Variants in ESYT3 observed in about 807,000 individuals in gnomAD.
ESYT3 encodes extended synaptotagmin 3, also known as extended synaptotagmin-3.
Under a neutral mutation model 111.5 loss-of-function variants are expected in ESYT3, and 101 were observed. The observed-to-expected ratio is 0.91, with a 90% CI of 0.77 to 1.07. ESYT3 has a LOEUF of 1.07. ESYT3 is among the 50% of genes least tolerant of loss of function. ESYT3 has a pLI of 0.00. For synonymous variants in ESYT3, 416 were observed against 446.8 expected (o/e 0.93, Z 0.87); for missense variants, 1,097 against 1,109.4 (o/e 0.99, Z 0.16).
chr3:138,453,420 C>T (rs142298744), intron 2 of ESYT3, among the ~76,000 whole-genome samples: 111 of 152,244 alleles, frequency 7.3e-4, no homozygotes, highest in African/African-American at 2.4e-3. Flanking sequence ...AGGCACTTGG[C>T]CAGTGACAAA....
intron 3 of ESYT3, 130 bp downstream of exon 3, chr3:138,455,458 C>A: frequency 1.1e-6 from 1 of 923,870 alleles, no homozygotes; most frequent in Non-Finnish European, 1.6e-6. Context: ...TACAGGGGGA[C>A]ACCCTCCCGC....
chr3:138,464,215 A>G, intron 8 of ESYT3, 130 bp from the exon 9 acceptor site: 1 of 1,045,414 alleles, frequency 9.6e-7, no homozygotes, highest in South Asian at 1.6e-5. Context: ...TCTGGCTTCT[A>G]TCTCCTGGTC....
Position 138,477,020 on chromosome 3 carries a change from C to T in ESYT3, c.*166C>T, listed in dbSNP as rs1484980943. 1 of 503,838 alleles carries T rather than the reference C, an allele frequency of 2.0e-6. No homozygotes were observed. Among genetic ancestry groups the T allele is most frequent in the East Asian group, 3.3e-5 (1 of 30,356 alleles). The allele number at this position is 503,838 out of a possible 1,614,324, so 31.2% of individuals were successfully genotyped here. ...TCTTGTGTGGAATTTAACTCCATGA[C>T]TGAATAGCATAAGGAAGAGGTTATT... On this transcript the variant is annotated 3_prime_UTR_variant, in exon 23 of 23. Transcript: ENST00000389567.
At chr3:138,475,775 A>G (rs2033451306) in intron 20 of ESYT3, among the ~76,000 whole-genome samples, 1 of 152,054 alleles carries the variant, frequency 6.6e-6, no homozygotes, top group Admixed American at 6.5e-5. Context: ...TAAAAACACA[A>G]AAAATTAGCC....
In ESYT3 at chr3:138,434,862, G is replaced by C. The variant is rs1378483257; in HGVS notation, c.64G>C (p.Gly22Arg). The C allele has an allele frequency of 6.5e-7, 1 of 1,549,526 alleles. No individual in the cohort carries two copies. Among genetic ancestry groups the C allele is most frequent in the Non-Finnish European group, 8.7e-7 (1 of 1,146,850 alleles). ...CGCCCTGGGAGCCCAGCGCACGCCGGGCCCCGAGCTGCGCCTGTCCAGCCA... is the reference window on the plus strand; with the variant it reads ...CGCCCTGGGAGCCCAGCGCACGCCGCGCCCCGAGCTGCGCCTGTCCAGCCA... ...PSALGAQRTP[G>R]PELRLSSQLL... The change falls in exon 1 of 23, where the codon GGC becomes CGC. Residue 22 changes from glycine (G) to arginine (R), a missense_variant. Coordinates refer to ENST00000389567, the MANE Select transcript of ESYT3 (RefSeq NM_031913.5).
chr3:138,459,953 C>T lies in ESYT3; in HGVS notation c.657C>T (p.Gly219=). The T allele has an allele frequency of 6.2e-7, 1 of 1,613,926 alleles. No homozygotes were observed. The highest frequency in any genetic ancestry group is 8.5e-7 in the Non-Finnish European group (1 of 1,179,906). The part of the protein sequence containing the change: ...QAGVNGIQLQ[G]TLRVILEPLL... ...CCTCTGTGCCTATCCAGTTGCAGGG[C>T]ACCCTGCGGGTCATCCTGGAGCCCC... Residue 219 remains glycine (G), a synonymous_variant, in exon 6 of 23, where the codon GGC becomes GGT. Transcript: ENST00000389567.
rs139703928 is a variant in ESYT3, at chr3:138,445,766, T to C, written c.328-6282T>C. On this transcript the variant is annotated intron_variant, in intron 1 of 22. Transcript: ENST00000389567. ...AACGCTTATTCTGATCCAGGAAGGA[T>C]ACCGAGCATCATCCATGCCTTTAGT... Among the ~76,000 whole-genome samples the C allele has an allele frequency of 3.6e-3, 555 of 152,350 alleles. 2 individuals carry two copies. Among genetic ancestry groups the C allele is most frequent in the Non-Finnish European group, 5.7e-3 (387 of 68,038 alleles).
At chr3:138,443,751 T>TGTGTGC (rs1329319351) in intron 1 of ESYT3, among the ~76,000 whole-genome samples, 1 of 149,214 alleles carries the variant, frequency 6.7e-6, no homozygotes, top group African/African-American at 2.5e-5. Context: ...TGTGTGTGTG[T>TGTGTGC]GTGTGACATG....
chr3:138,436,966 C>G (rs568762221), intron 1 of ESYT3, among the ~76,000 whole-genome samples: 158 of 152,200 alleles, frequency 1.0e-3, no homozygotes, highest in Middle Eastern at 3.4e-3. Flanking sequence ...CTGCCTCTCC[C>G]CCACATACAC....
Position 138,472,528 on chromosome 3 carries a change from G to C in ESYT3, c.1906G>C (p.Asp636His). ...DLPCPPDPAS[D>H]TKDVSRSTTT... ...GCCATGTCCCCCAGACCCTGCTTCT[G>C]ATACTAAGGACGTATCCAGGAGTAC... Residue 636 changes from aspartate (D) to histidine (H), a missense_variant, in exon 18 of 23, where the codon GAT becomes CAT. By Grantham distance (81) the Asp-to-His change is moderately conservative. Coordinates refer to ENST00000389567, the MANE Select transcript of ESYT3 (RefSeq NM_031913.5). 1 of 1,614,214 alleles carries C rather than the reference G, an allele frequency of 6.2e-7. No individual in the cohort carries two copies. Among genetic ancestry groups the C allele is most frequent in the Non-Finnish European group, 8.5e-7 (1 of 1,180,036 alleles).
chr3:138,473,431 A>C (rs779818925), intron 18 of ESYT3, 105 bp from the exon 19 acceptor site: 210 of 940,380 alleles, frequency 2.2e-4, no homozygotes, highest in Non-Finnish European at 3.0e-4. Context: ...ATTATCCTAC[A>C]TGGCTCTATA....
rs977926231 is a variant in ESYT3 at position 138,478,806 on chromosome 3, A to G, written c.*1952A>G. ...GTTAATACCTTGGCTGCCACTGAGG[A>G]CAAGAATTGGTTTTCAGCAGTGGGT... On this transcript the variant is annotated 3_prime_UTR_variant, in exon 23 of 23. Transcript: ENST00000389567. 2 of 152,234 alleles carry G rather than the reference A, an allele frequency of 1.3e-5. No homozygotes were observed. Among genetic ancestry groups the G allele is most frequent in the Admixed American group, 1.3e-4 (2 of 15,290 alleles). 9.4% of individuals were successfully genotyped at this position (152,234 alleles called of 1,614,324 possible).
Position 138,464,430 on chromosome 3 carries a change from A to G in ESYT3, c.1001A>G (p.Tyr334Cys). ...GGGCTCCGAGGCAAGTCAGATCCCT[A>G]CGCCAAGGTGAGCATCGGCCTACAG... ...FLGLRGKSDP[Y>C]AKVSIGLQHF... Residue 334 changes from tyrosine to cysteine, a missense_variant, in exon 9 of 23, where the codon TAC (tyrosine) becomes TGC (cysteine). Tyr to Cys is a radical substitution (Grantham distance 194). Transcript: ENST00000389567. 1.2e-6 allele frequency: 2 copies of G among 1,614,158 alleles called. No individual in the cohort carries two copies. The highest frequency in any genetic ancestry group is 2.2e-5 in the East Asian group (1 of 44,874).
chr3:138,470,118 A>T lies in ESYT3; in HGVS notation c.1562A>T (p.Asn521Ile). The change falls in exon 16 of 23, where the codon AAT becomes ATT. Residue 521 changes from asparagine to isoleucine, a missense_variant. Asn to Ile is a moderately radical substitution (Grantham distance 149). Coordinates refer to ENST00000389567, the MANE Select transcript of ESYT3 (RefSeq NM_031913.5). ...WSQVFSFFVH[N>I]VATERLHLKV... ...CAGGTGTTCTCCTTCTTTGTGCACA[A>T]TGTGGCCACTGAGCGGCTCCATCTG... The T allele has an allele frequency of 1.2e-6, 2 of 1,611,816 alleles. No homozygotes were observed. The highest frequency in any genetic ancestry group is 1.7e-6 in the Non-Finnish European group (2 of 1,178,560).
intron 1 of ESYT3, among the ~76,000 whole-genome samples, chr3:138,439,121 A>T (rs2030947857): frequency 6.6e-6 from 1 of 152,186 alleles, no homozygotes; most frequent in Admixed American, 6.5e-5. Flanking sequence ...CTTTGTTGCC[A>T]CACATGGTCG....
At chr3:138,448,123 C>T (rs2031668537) in intron 1 of ESYT3, among the ~76,000 whole-genome samples, 1 of 151,672 alleles carries the variant, frequency 6.6e-6, no homozygotes, top group African/African-American at 2.4e-5. Context: ...AAAAATTAGC[C>T]AGGCGTGGTG....
chr3:138,451,726 G>C (rs2031941242), intron 1 of ESYT3, among the ~76,000 whole-genome samples: 1 of 152,218 alleles, frequency 6.6e-6, no homozygotes, highest in Non-Finnish European at 1.5e-5. Flanking sequence ...GTCCTGTCCT[G>C]CCCGCCACCG....
At chr3:138,457,508 C>T (rs2032358006) in intron 3 of ESYT3, 60 bp from the exon 4 acceptor site, 1 of 1,498,638 alleles carries the variant, frequency 6.7e-7, no homozygotes, top group African/African-American at 1.4e-5. Flanking sequence ...GGGGGGAGAG[C>T]TGGCAGCTGT....
Position 138,476,263 on chromosome 3 carries a change from T to C in ESYT3, c.2509T>C (p.Ser837Pro). The C allele has an allele frequency of 6.2e-7, 1 of 1,613,924 alleles. No individual in the cohort carries two copies. Among genetic ancestry groups the C allele is most frequent in the Admixed American group, 1.7e-5 (1 of 59,982 alleles). The change falls in exon 21 of 23, where the codon TCA (serine) becomes CCA (proline). Residue 837 changes from serine (S) to proline (P), a missense_variant. By Grantham distance (74) the Ser-to-Pro change is moderately conservative. Transcript: ENST00000389567. Reference protein sequence around the residue: ...FVPMEEVKKRSLDVAVKNSRP... With the variant: ...FVPMEEVKKRPLDVAVKNSRP... The stretch of plus-strand genomic sequence containing the variant: ...TCCCATGGAAGAAGTAAAGAAGAGG[T>C]CACTAGATGTTGCAGTGAAAAATAG...
Sources: gnomAD v4.1 joint callset for allele counts (sites outside exome capture counted in the v4.1 genomes callset) on GRCh38, gnomAD v4.1.1 for gene constraint, MANE v1.5 for transcripts, NCBI Gene and HGNC (gene_info 2026-07-23, HGNC 2026-07-21) for gene names.